The following KLF17 variants were observed in gnomAD, a reference collection of about 807,000 sequenced individuals.
KLF17 encodes Krueppel-like factor 17.
A neutral mutation model predicts 34.2 loss-of-function variants in KLF17; 31 were observed. That is an observed-to-expected ratio of 0.91 (90% CI 0.68 to 1.22). The LOEUF is 1.22. Ranked by LOEUF, KLF17 falls within the 50% of genes most tolerant of loss-of-function variation. The pLI, the probability that KLF17 is intolerant of heterozygous loss-of-function variation, is 0.00. For missense variants in KLF17, 478 were observed against 505.2 expected, an observed-to-expected ratio of 0.95 and a Z score of 0.52; for synonymous variants, 179 against 186.7, an observed-to-expected ratio of 0.96 and a Z score of 0.34.
chr1:44,108,649 G>A, the KLF17 span, among the ~76,000 whole-genome samples: 16 of 129,840 alleles, frequency 1.2e-4, no homozygotes, highest in African/African-American at 2.9e-4. Context: ...AGAGAATCTC[G>A]TTTGTTAGCT....
chr1:44,115,503 G>A (rs1419942126), upstream of KLF17: 1 of 150,464 alleles, frequency 6.6e-6, no homozygotes, highest in Non-Finnish European at 1.5e-5. Flanking sequence ...AAACCAGTGG[G>A]ACAGAGTGCA....
the KLF17 span, among the ~76,000 whole-genome samples, chr1:44,095,699 A>G: frequency 1.3e-5 from 2 of 152,096 alleles, no homozygotes; most frequent in African/African-American, 2.4e-5. Context: ...TATTTCATAA[A>G]TGTTTTACAG....
the KLF17 span, among the ~76,000 whole-genome samples, chr1:44,077,145 G>A: frequency 6.6e-6 from 1 of 151,898 alleles, no homozygotes; most frequent in Non-Finnish European, 1.5e-5. Flanking sequence ...AGGAGTTCAA[G>A]ACCAGCCTGG....
Position 44,130,597 on chromosome 1 carries a change from C to T in KLF17, c.1011C>T (p.His337=). 6.2e-7 allele frequency: 1 copy of T among 1,614,078 alleles called. No homozygotes were observed. Among genetic ancestry groups the T allele is most frequent in the Non-Finnish European group, 8.5e-7 (1 of 1,180,006 alleles). The part of the protein sequence containing the change: ...SDELRRHMRV[H]TRYRPYKCDQ... ...AGCTTAGACGACATATGCGGGTACA[C>T]ACCAGATATCGACCATATAAATGTG... The change falls in exon 3 of 4, where the codon CAC becomes CAT. Residue 337 remains histidine (H), a synonymous_variant. Transcript: ENST00000372299.
At chr1:44,084,123 G>T in the KLF17 span, among the ~76,000 whole-genome samples, 1 of 152,218 alleles carries the variant, frequency 6.6e-6, no homozygotes, top group Non-Finnish European at 1.5e-5. Flanking sequence ...AACTGTAGAA[G>T]GAAGTTGCAT....
chr1:44,067,356 G>A, the KLF17 span, among the ~76,000 whole-genome samples: 2 of 152,202 alleles, frequency 1.3e-5, no homozygotes, highest in African/African-American at 2.4e-5. Flanking sequence ...TGAATTTTGA[G>A]ACAATGTATT....
intron 1 of KLF17, among the ~76,000 whole-genome samples, chr1:44,119,827 G>A (rs2087926469): frequency 6.6e-6 from 1 of 152,208 alleles, no homozygotes; most frequent in Non-Finnish European, 1.5e-5. Flanking sequence ...GGAAGCCATT[G>A]ATGAGTTTAA....
chr1:44,098,486 TTA>T, the KLF17 span, among the ~76,000 whole-genome samples: 6,421 of 151,074 alleles, frequency 0.043, 182 homozygotes, highest in African/African-American at 0.079. Context: ...ATTATTTTTT[TTA>T]AAAAAGATTA....
the KLF17 span, among the ~76,000 whole-genome samples, chr1:44,098,344 C>T: frequency 1.3e-5 from 2 of 151,878 alleles, no homozygotes; most frequent in Admixed American, 1.3e-4. Flanking sequence ...ATTTGGGTCA[C>T]TCTCTTTTTT....
chr1:44,104,854 C>G, the KLF17 span: 1 of 155,754 alleles, frequency 6.4e-6, no homozygotes, highest in Non-Finnish European at 1.4e-5. Flanking sequence ...ATTGAGTATA[C>G]GAAGCAAGAT....
upstream of KLF17, among the ~76,000 whole-genome samples, chr1:44,118,323 G>A (rs368161697): frequency 3.7e-4 from 56 of 152,304 alleles, 1 homozygote; most frequent in African/African-American, 1.3e-3. Context: ...TAAACACTGC[G>A]GAATAAACAG....
At chr1:44,127,152 T>G (rs1328446672) in intron 1 of KLF17, among the ~76,000 whole-genome samples, 4 of 151,534 alleles carry the variant, frequency 2.6e-5, no homozygotes, top group Non-Finnish European at 5.9e-5. Context: ...CAAGAGATCC[T>G]TCCACCTGGG....
chr1:44,069,970 G>A, the KLF17 span: 1 of 152,140 alleles, frequency 6.6e-6, no homozygotes, highest in Non-Finnish European at 1.5e-5. This position sits in a 1 kb window ranked among gnomAD's most constrained non-coding sequence, Gnocchi z 4.7. Flanking sequence ...CCATGGGTAG[G>A]GGAGGGCGGA....
At chr1:44,095,879 C>T in the KLF17 span, among the ~76,000 whole-genome samples, 2 of 151,818 alleles carry the variant, frequency 1.3e-5, no homozygotes, top group Non-Finnish European at 2.9e-5. Flanking sequence ...ATTTTATATC[C>T]TGCAACTTTA....
intron 1 of KLF17, among the ~76,000 whole-genome samples, chr1:44,127,722 C>CTTTCTTCTCT (rs2088042152): frequency 2.6e-5 from 3 of 113,462 alleles, no homozygotes; most frequent in Non-Finnish European, 5.2e-5. Context: ...CTTCTCTTTT[C>CTTTCTTCTCT]TTTCTTTCTT....
chr1:44,118,015 T>A (rs957891719), upstream of KLF17, among the ~76,000 whole-genome samples: 2 of 152,206 alleles, frequency 1.3e-5, no homozygotes, highest in African/African-American at 4.8e-5. Context: ...CCATGTGGTA[T>A]CACCGTGGTC....
At chr1:44,071,881 C>T in the KLF17 span, among the ~76,000 whole-genome samples, 16 of 152,214 alleles carry the variant, frequency 1.1e-4, no homozygotes, top group South Asian at 6.2e-4. Context: ...CTGTCTGCTC[C>T]GGTAGTAGTT....
the KLF17 span, among the ~76,000 whole-genome samples, chr1:44,058,068 G>T: frequency 6.6e-6 from 1 of 152,184 alleles, no homozygotes; most frequent in Non-Finnish European, 1.5e-5. Flanking sequence ...CCCAAGATTT[G>T]GATTACCTAA....
At chr1:44,087,812 ACAC>A in the KLF17 span, 1 of 143,354 alleles carries the variant, frequency 7.0e-6, no homozygotes, top group Admixed American at 7.1e-5. Context: ...GCATATATAA[ACAC>A]ACACACACAC....
Sources: allele counts gnomAD v4.1 joint callset (sites outside exome capture counted in the v4.1 genomes callset), GRCh38; gene constraint gnomAD v4.1.1; non-coding constraint Gnocchi (gnomAD v3.1); transcripts MANE v1.5; gene names NCBI Gene and HGNC (gene_info 2026-07-23, HGNC 2026-07-21).